Variants in PPM1H observed in about 807,000 individuals in gnomAD.
PPM1H encodes protein phosphatase 1H.
A neutral mutation model predicts 54.9 loss-of-function variants in PPM1H; 27 were observed. The ratio of observed to expected loss-of-function variants is 0.49; its 90% CI spans 0.36 to 0.68. The LOEUF is 0.68. Ranked by LOEUF, PPM1H falls within the 30% of genes least tolerant of loss-of-function variation. The pLI is 0.00. For missense variants in PPM1H, 596 were observed against 667.8 expected, an observed-to-expected ratio of 0.89 and a Z score of 1.19; for synonymous variants, 305 against 270.8, an observed-to-expected ratio of 1.13 and a Z score of -1.24.
intron 6 of PPM1H, among the ~76,000 whole-genome samples, chr12:62,714,494 C>T (rs919674987): frequency 2.0e-5 from 3 of 152,136 alleles, no homozygotes; most frequent in Admixed American, 6.5e-5. Flanking sequence ...AAAACACTGC[C>T]ATCTCTGGAA....
intron 2 of PPM1H, among the ~76,000 whole-genome samples, chr12:62,802,977 C>G (rs556538102): frequency 6.7e-6 from 1 of 149,796 alleles, no homozygotes; most frequent in Non-Finnish European, 1.5e-5. Context: ...GGTTTTCCAA[C>G]GGGAAATAAG....
intron 1 of PPM1H, among the ~76,000 whole-genome samples, chr12:62,912,841 A>G (rs1247533809): frequency 6.6e-6 from 1 of 152,238 alleles, no homozygotes; most frequent in Non-Finnish European, 1.5e-5. Flanking sequence ...AGCTGTTCCT[A>G]GGTATTGACA....
chr12:62,711,174 T>C (rs933565066), intron 6 of PPM1H, among the ~76,000 whole-genome samples: 1 of 152,062 alleles, frequency 6.6e-6, no homozygotes, highest in African/African-American at 2.4e-5. Context: ...GTATTTTTTA[T>C]AGAAACAGGG....
intron 3 of PPM1H, among the ~76,000 whole-genome samples, chr12:62,797,438 C>T (rs1484262454): frequency 6.6e-6 from 1 of 152,032 alleles, no homozygotes; most frequent in Non-Finnish European, 1.5e-5. Flanking sequence ...GCACAAAACC[C>T]GCAATACCTA....
At chr12:62,745,438 C>A (rs894777896) in intron 4 of PPM1H, among the ~76,000 whole-genome samples, 1 of 152,158 alleles carries the variant, frequency 6.6e-6, no homozygotes, top group African/African-American at 2.4e-5. Flanking sequence ...TGAAGAGGAA[C>A]TGATTTGTCC....
In PPM1H at chr12:62,644,793, T is replaced by C. The variant is rs1327890575; in HGVS notation, c.*3696A>G. 6.6e-6 allele frequency: 1 copy of C among 152,218 alleles called. No individual in the cohort carries two copies. The highest frequency in any genetic ancestry group is 1.5e-5 in the Non-Finnish European group (1 of 68,042). 9.4% of individuals were successfully genotyped at this position (152,218 alleles called of 1,614,324 possible). A position where few individuals can be genotyped will look rare whatever the true frequency, so the allele number is the denominator to read the frequency against. On this transcript the variant is annotated 3_prime_UTR_variant, in exon 10 of 10. Transcript: ENST00000228705. Reference sequence around the variant, plus strand: ...AAAATCTGAGTTCCTCACATAAAATTCTGTGCTGTGGCCAGAGCTCGTTTT... The same window carrying C: ...AAAATCTGAGTTCCTCACATAAAATCCTGTGCTGTGGCCAGAGCTCGTTTT...
At chr12:62,779,223 T>A (rs565652302) in intron 4 of PPM1H, among the ~76,000 whole-genome samples, 15 of 151,912 alleles carry the variant, frequency 9.9e-5, no homozygotes, top group East Asian at 9.7e-4. Context: ...ATATATATAT[T>A]TTTTTAGTAG....
Position 62,825,113 on chromosome 12 carries a change from T to C in PPM1H, c.411+7001A>G, listed in dbSNP as rs142198774. Among the ~76,000 whole-genome samples, 262 of 152,274 alleles carry C rather than the reference T, an allele frequency of 1.7e-3. 4 individuals are homozygous for C. In the East Asian group the frequency reaches 0.038, roughly 22 times the overall value. ...GACACTTCTTAAAAGAAGACATTTA[T>C]GCAGCCAACACACACATGAAAAAAA... On this transcript the variant is annotated intron_variant, in intron 2 of 9. Transcript: ENST00000228705.
At position 62,681,356 on chromosome 12, in the gene PPM1H, A is replaced by T. The variant is rs117154889; in HGVS notation, c.1245+8343T>A. 6.4e-3 allele frequency among the ~76,000 whole-genome samples: 973 copies of T among 152,148 alleles called. 8 individuals are homozygous for T. Among genetic ancestry groups the T allele is most frequent in the Non-Finnish European group, 0.011 (738 of 67,994 alleles). ...CTCATTATGCCACCTTTTAGTTTCC[A>T]CGGTCCCTTCCCCAGTTCGGCTCCT... On this transcript the variant is annotated intron_variant, in intron 8 of 9. Coordinates refer to ENST00000228705, the MANE Select transcript of PPM1H (RefSeq NM_020700.2).
At chr12:62,673,877 C>A (rs2075971366) in intron 8 of PPM1H, among the ~76,000 whole-genome samples, 1 of 151,506 alleles carries the variant, frequency 6.6e-6, no homozygotes, top group Non-Finnish European at 1.5e-5. Flanking sequence ...AGGTGCACAC[C>A]ACCTATACTT....
At chr12:62,668,757 G>A (rs932143980) in intron 8 of PPM1H, among the ~76,000 whole-genome samples, 1 of 152,328 alleles carries the variant, frequency 6.6e-6, no homozygotes, top group Admixed American at 6.5e-5. Flanking sequence ...CCATTGTTAT[G>A]TCACCTCAGA....
At chr12:62,672,598 GAAT>G (rs2136618081) in intron 8 of PPM1H, among the ~76,000 whole-genome samples, 1 of 152,282 alleles carries the variant, frequency 6.6e-6, no homozygotes, top group South Asian at 2.1e-4. Flanking sequence ...GTGGTGGGGG[GAAT>G]CTCACCTTGA....
chr12:62,784,132 C>A (rs1393076620), intron 4 of PPM1H, among the ~76,000 whole-genome samples: 2 of 152,170 alleles, frequency 1.3e-5, no homozygotes, highest in Non-Finnish European at 2.9e-5. Flanking sequence ...AATAAAGCAA[C>A]TGGCATGCAT....
intron 4 of PPM1H, among the ~76,000 whole-genome samples, chr12:62,782,549 T>C (rs2076648496): frequency 1.3e-5 from 2 of 152,136 alleles, no homozygotes; most frequent in Non-Finnish European, 2.9e-5. Context: ...TCAGTGACAA[T>C]TCATGGAATG....
At chr12:62,784,100 T>C (rs572605214) in intron 4 of PPM1H, among the ~76,000 whole-genome samples, 10 of 152,292 alleles carry the variant, frequency 6.6e-5, no homozygotes, top group Admixed American at 5.2e-4. Context: ...AGGTGTTGAG[T>C]TGGCTGACTC....
intron 1 of PPM1H, among the ~76,000 whole-genome samples, chr12:62,890,240 C>G (rs576178399): frequency 1.3e-5 from 2 of 152,100 alleles, no homozygotes; most frequent in Non-Finnish European, 2.9e-5. Context: ...GTAGAAGGAT[C>G]GCTTGATCCC....
chr12:62,825,003 T>G (rs1278655479), intron 2 of PPM1H, among the ~76,000 whole-genome samples: 2 of 151,886 alleles, frequency 1.3e-5, no homozygotes, highest in Non-Finnish European at 2.9e-5. Flanking sequence ...TCTACCCAGT[T>G]GACAAAGGGC....
At chr12:62,864,102 T>C (rs1869695210) in intron 1 of PPM1H, among the ~76,000 whole-genome samples, 1 of 152,228 alleles carries the variant, frequency 6.6e-6, no homozygotes, top group African/African-American at 2.4e-5. Context: ...GTAAGGGTGC[T>C]ACAGGCATCT....
At chr12:62,919,423 G>A (rs546117799) in intron 1 of PPM1H, among the ~76,000 whole-genome samples, 1 of 151,474 alleles carries the variant, frequency 6.6e-6, no homozygotes, top group African/African-American at 2.4e-5. Flanking sequence ...TGTTTTAAAT[G>A]TTGCGGGGTG....
Sources: allele counts gnomAD v4.1 joint callset (sites outside exome capture counted in the v4.1 genomes callset), GRCh38; gene constraint gnomAD v4.1.1; transcripts MANE v1.5; gene names NCBI Gene and HGNC (gene_info 2026-07-23, HGNC 2026-07-21).